The following ABCA1 variants were observed in gnomAD, a reference collection of about 807,000 sequenced individuals.
ABCA1 encodes the protein phospholipid-transporting ATPase ABCA1.
In ABCA1, 133 loss-of-function variants were observed where a neutral mutation model predicts 262.5. The observed-to-expected ratio is 0.51, with a 90% CI of 0.44 to 0.59. The LOEUF is 0.59. ABCA1 is among the 20% of genes least tolerant of loss of function. The probability of loss-of-function intolerance (pLI) is 0.00; values close to 1 mark genes in which losing one functional copy is unlikely to be tolerated. For synonymous variants in ABCA1, 1,022 were observed against 1,043.5 expected, an observed-to-expected ratio of 0.98 and a Z score of 0.40; for missense variants, 2,452 against 2,777.5, an observed-to-expected ratio of 0.88 and a Z score of 2.63.
chr9:104,823,151 G>A (rs1336343795), intron 18 of ABCA1, among the ~76,000 whole-genome samples: 5 of 152,038 alleles, frequency 3.3e-5, no homozygotes, highest in African/African-American at 4.8e-5. Flanking sequence ...CTGTAAAAAC[G>A]AGGAACGCAT....
intron 33 of ABCA1, among the ~76,000 whole-genome samples, chr9:104,802,545 T>C (rs898049690): frequency 7.2e-5 from 11 of 152,140 alleles, no homozygotes; most frequent in Admixed American, 7.2e-4. Context: ...GCGCTGGCCT[T>C]ATACACAGGC....
chr9:104,875,866 CGT>C (rs1438765045), intron 5 of ABCA1, among the ~76,000 whole-genome samples: 1 of 152,156 alleles, frequency 6.6e-6, no homozygotes, highest in Non-Finnish European at 1.5e-5. Context: ...CCCCCAGAAA[CGT>C]GTGACTTGTC....
chr9:104,865,270 T>C (rs1836986634), intron 5 of ABCA1, among the ~76,000 whole-genome samples: 1 of 152,150 alleles, frequency 6.6e-6, no homozygotes, highest in South Asian at 2.1e-4. Context: ...GGCATCAGAA[T>C]TTAATAAAAC....
chr9:104,796,768 T>C (rs1008517616), intron 37 of ABCA1, among the ~76,000 whole-genome samples: 1 of 152,182 alleles, frequency 6.6e-6, no homozygotes, highest in Non-Finnish European at 1.5e-5. Flanking sequence ...AAGATGACTG[T>C]GTCTGTTTCG....
intron 9 of ABCA1, among the ~76,000 whole-genome samples, chr9:104,837,970 T>C (rs4149299): frequency 0.094 from 14,254 of 152,162 alleles, 715 homozygotes; most frequent in Middle Eastern, 0.11. Context: ...ATGACCAACA[T>C]TTAAACTGAC....
intron 7 of ABCA1, among the ~76,000 whole-genome samples, chr9:104,853,302 T>G (rs1835539800): frequency 6.6e-6 from 1 of 152,238 alleles, no homozygotes; most frequent in Non-Finnish European, 1.5e-5. Flanking sequence ...TTCACATCAC[T>G]GAGGCAATGG....
At chr9:104,796,517 G>T in intron 37 of ABCA1, 93 bp from the exon 38 acceptor site, 1 of 914,184 alleles carries the variant, frequency 1.1e-6, no homozygotes, top group Non-Finnish European at 1.8e-6. Context: ...AGAAAGGGCA[G>T]ATAAACATAT....
At chr9:104,840,553 G>A (rs1009199161) in intron 8 of ABCA1, 34 bp from the exon 9 acceptor site, 2 of 1,602,060 alleles carry the variant, frequency 1.2e-6, no homozygotes, top group Non-Finnish European at 1.7e-6. Context: ...AAGGAGGGTA[G>A]GGGAAGGGAG....
chr9:104,796,568 A>C, intron 37 of ABCA1, 144 bp from the exon 38 acceptor site: 2 of 733,272 alleles, frequency 2.7e-6, no homozygotes, highest in Non-Finnish European at 4.9e-6. Flanking sequence ...ATAAACTATT[A>C]ATCAAAATAC....
In ABCA1 at chr9:104,928,057, G is replaced by A. The variant is rs1486202083; in HGVS notation, c.-215C>T. The A allele has an allele frequency of 6.6e-6, 1 of 152,246 alleles. No homozygotes were observed. The highest frequency in any genetic ancestry group is 1.5e-5 in the Non-Finnish European group (1 of 68,068). 9.4% of individuals were successfully genotyped at this position (152,246 alleles called of 1,614,324 possible). On this transcript the variant is annotated 5_prime_UTR_variant, in exon 1 of 50. Transcript: ENST00000374736. ...AAGCGCCCTGAGAACCGGCTCTGTT[G>A]GTGCGCGGAGCTCCCCGCCCTGCCC...
intron 1 of ABCA1, among the ~76,000 whole-genome samples, chr9:104,920,458 T>C (rs893856061): frequency 6.6e-6 from 1 of 152,216 alleles, no homozygotes; most frequent in African/African-American, 2.4e-5. Context: ...GTCTGGGATA[T>C]CAATGCAAGT....
chr9:104,926,876 C>A (rs1432128007), intron 1 of ABCA1, among the ~76,000 whole-genome samples: 2 of 152,216 alleles, frequency 1.3e-5, no homozygotes, highest in Admixed American at 6.5e-5. Context: ...GGGCACCCCA[C>A]CTCCGGGTCT....
In ABCA1 at chr9:104,784,203, GT is replaced by G. The variant is rs1158138026; in HGVS notation, c.*111del. ...TTGAATAGTATCAGTACAGTATCCA[GT>G]TTACTTCTTCCCACATCAACTTCTG... On this transcript the variant is annotated 3_prime_UTR_variant, in exon 50 of 50. Coordinates refer to ENST00000374736, the MANE Select transcript of ABCA1 (RefSeq NM_005502.4). The G allele has an allele frequency of 3.2e-5, 45 of 1,385,802 alleles. No individual in the cohort carries two copies. The highest frequency in any genetic ancestry group is 4.6e-5 in the Non-Finnish European group (45 of 982,754). The allele number at this position is 1,385,802 out of a possible 1,614,324, so 85.8% of individuals were successfully genotyped here.
intron 46 of ABCA1, 127 bp downstream of exon 46, chr9:104,787,793 G>A: frequency 6.3e-7 from 1 of 1,597,794 alleles, no homozygotes. Flanking sequence ...GCTTTTCCAA[G>A]GTTGCTCTGC....
intron 35 of ABCA1, among the ~76,000 whole-genome samples, chr9:104,800,275 G>A (rs938221503): frequency 1.3e-5 from 2 of 152,148 alleles, no homozygotes; most frequent in Admixed American, 6.5e-5. Context: ...CACAGATGAG[G>A]GAACTGAGGT....
At chr9:104,886,991 G>GATAT (rs1205687635) in intron 3 of ABCA1, among the ~76,000 whole-genome samples, 1 of 152,180 alleles carries the variant, frequency 6.6e-6, no homozygotes, top group African/African-American at 2.4e-5. Flanking sequence ...GAAGTGCATG[G>GATAT]ATATGGCCGG....
chr9:104,868,793 G>A (rs1200714099), intron 5 of ABCA1, among the ~76,000 whole-genome samples: 2 of 152,160 alleles, frequency 1.3e-5, no homozygotes, highest in African/African-American at 4.8e-5. Flanking sequence ...ACACATCCAG[G>A]CCTCTGGGAC....
At chr9:104,786,250 A>G in intron 48 of ABCA1, 48 bp downstream of exon 48, 1 of 1,435,672 alleles carries the variant, frequency 7.0e-7, no homozygotes, top group Non-Finnish European at 9.8e-7. Context: ...AAGAATAAAT[A>G]TCAAGCCTTC....
Position 104,837,108 on chromosome 9 carries a change from T to C in ABCA1, c.1195-12A>G. 6.2e-7 allele frequency: 1 copy of C among 1,605,102 alleles called. No homozygotes were observed. Among genetic ancestry groups the C allele is most frequent in the Non-Finnish European group, 8.5e-7 (1 of 1,173,834 alleles). On this transcript the variant is annotated splice_polypyrimidine_tract_variant and intron_variant, in intron 10 of 49. Coordinates refer to ENST00000374736, the MANE Select transcript of ABCA1 (RefSeq NM_005502.4). ...AAGGTCTTGTTCACCTGGAGTCAGG[T>C]GGGGAGCCAGGGACCGCAGAAAAAG...
Sources: allele counts gnomAD v4.1 joint callset (sites outside exome capture counted in the v4.1 genomes callset), GRCh38; gene constraint gnomAD v4.1.1; transcripts MANE v1.5; gene names NCBI Gene and HGNC (gene_info 2026-07-23, HGNC 2026-07-21).